The following NRXN1 variants were observed in gnomAD, a reference collection of about 807,000 sequenced individuals.
NRXN1 encodes neurexin-1.
Under a neutral mutation model 150.9 loss-of-function variants are expected in NRXN1, and 39 were observed. That is an observed-to-expected ratio of 0.26 (90% CI 0.20 to 0.34). The LOEUF (loss-of-function observed/expected upper bound fraction) is 0.34, where lower values mean the gene tolerates loss of function less well. Among genes scored for constraint, NRXN1 ranks in the 10% least tolerant of loss-of-function variants. NRXN1 has a pLI of 1.00. For synonymous variants in NRXN1, 924 were observed against 757.0 expected (o/e 1.22, Z -3.62); for missense variants, 1,815 against 1,949.9 (o/e 0.93, Z 1.30).
In NRXN1 at chr2:50,204,523, T is replaced by G. The variant is rs895521771; in HGVS notation, c.3546+32266A>C. Among the ~76,000 whole-genome samples the G allele has an allele frequency of 6.6e-5, 10 of 152,096 alleles. 1 individual carries two copies. The highest frequency in any genetic ancestry group is 6.6e-4 in the Admixed American group (10 of 15,240). ...CAAATTATACCACTGACTCATGTGCTGCTCCCTGGGTGCAGTGAGAATATT... is the reference window on the plus strand; with the variant it reads ...CAAATTATACCACTGACTCATGTGCGGCTCCCTGGGTGCAGTGAGAATATT... On this transcript the variant is annotated intron_variant, in intron 18 of 22. Coordinates refer to ENST00000401669, the MANE Select transcript of NRXN1 (RefSeq NM_001330078.2).
In NRXN1 at chr2:50,195,862, T is replaced by C. The variant is rs141160120; in HGVS notation, c.3546+40927A>G. 2.0e-5 allele frequency among the ~76,000 whole-genome samples: 3 copies of C among 152,226 alleles called. 1 individual carries two copies. Among genetic ancestry groups the C allele is most frequent in the African/African-American group, 4.8e-5 (2 of 41,558 alleles). On this transcript the variant is annotated intron_variant, in intron 18 of 22. Transcript: ENST00000401669. ...TTATCATAGTTTCTTATTCTGATTG[T>C]AGAGTGAGAAGAAAGAAATGTAAAG...
chr2:51,028,744 T>C lies in NRXN1; in HGVS notation c.-471A>G, dbSNP rs1671027754. On this transcript the variant is annotated 5_prime_UTR_variant, in exon 2 of 23. Transcript: ENST00000401669. ...GAGAGTCAGTAAAAAGAAAACACTT[T>C]TCTCAAGAAAGTACAGGAAGCCAGC... The C allele has an allele frequency of 6.5e-6, 1 of 154,450 alleles. No homozygotes were observed. The highest frequency in any genetic ancestry group is 6.5e-5 in the Admixed American group (1 of 15,332). 9.6% of individuals were successfully genotyped at this position (154,450 alleles called of 1,614,324 possible). A position where few individuals can be genotyped will look rare whatever the true frequency, so the allele number is the denominator to read the frequency against.
intron 22 of NRXN1, among the ~76,000 whole-genome samples, chr2:49,928,076 G>C (rs912245364): frequency 2.0e-5 from 3 of 151,522 alleles, no homozygotes; most frequent in Non-Finnish European, 4.4e-5. Flanking sequence ...GAAAAAGATT[G>C]TAAGAAACTA....
At chr2:50,976,447 T>C (rs1695856380) in intron 2 of NRXN1, among the ~76,000 whole-genome samples, 1 of 152,008 alleles carries the variant, frequency 6.6e-6, no homozygotes, top group Non-Finnish European at 1.5e-5. Flanking sequence ...CACTTATGTT[T>C]TGAAGAGAAT....
intron 17 of NRXN1, among the ~76,000 whole-genome samples, chr2:50,276,921 T>C (rs540550296): frequency 6.6e-6 from 1 of 152,164 alleles, no homozygotes; most frequent in Non-Finnish European, 1.5e-5. Flanking sequence ...TTCAATCCAA[T>C]ATAGTCTTAC....
chr2:50,481,093 C>T (rs1283511511), intron 15 of NRXN1, among the ~76,000 whole-genome samples: 1 of 152,188 alleles, frequency 6.6e-6, no homozygotes, highest in African/African-American at 2.4e-5. Flanking sequence ...TTTAGGGCTA[C>T]AATACCAGAA....
At chr2:50,151,234 G>C (rs1197762260) in intron 18 of NRXN1, among the ~76,000 whole-genome samples, 2 of 151,558 alleles carry the variant, frequency 1.3e-5, no homozygotes, top group Non-Finnish European at 3.0e-5. Flanking sequence ...TCCATTCTGG[G>C]AGCCAATAAA....
intron 5 of NRXN1, among the ~76,000 whole-genome samples, chr2:50,645,918 A>C (rs74466633): frequency 0.01 from 1,541 of 152,006 alleles, 30 homozygotes; most frequent in African/African-American, 0.035. Flanking sequence ...ATTCAATTAC[A>C]TTCGTTTAAA....
At chr2:50,234,222 G>A (rs561208282) in intron 18 of NRXN1, among the ~76,000 whole-genome samples, 1 of 152,150 alleles carries the variant, frequency 6.6e-6, no homozygotes, top group African/African-American at 2.4e-5. Flanking sequence ...GGCCGGGCAC[G>A]GTGGCTCATG....
At chr2:50,785,631 T>C (rs535481336) in intron 5 of NRXN1, among the ~76,000 whole-genome samples, 1 of 152,156 alleles carries the variant, frequency 6.6e-6, no homozygotes, top group South Asian at 2.1e-4. Flanking sequence ...GTTTTGTTGA[T>C]AGAAGTAAAC....
chr2:50,287,698 T>C (rs1461278545), intron 17 of NRXN1, among the ~76,000 whole-genome samples: 2 of 152,204 alleles, frequency 1.3e-5, no homozygotes, highest in East Asian at 1.9e-4. Context: ...ATGATTCTCA[T>C]AGTCTACCAC....
At chr2:50,881,527 T>C (rs1257361919) in intron 5 of NRXN1, among the ~76,000 whole-genome samples, 1 of 151,890 alleles carries the variant, frequency 6.6e-6, no homozygotes, top group African/African-American at 2.4e-5. Context: ...TTGATAAAAA[T>C]GGCACTTGCA....
rs1428559421 is a variant in NRXN1, at chr2:50,620,162, T to C, written c.1180A>G (p.Ile394Val). The change falls in exon 8 of 23, where the codon ATT becomes GTT. Residue 394 changes from isoleucine (I) to valine (V), a missense_variant. Transcript: ENST00000401669. The stretch of plus-strand genomic sequence containing the variant: ...TGCGTGTAGCCCGTTGTGGTAAGAA[T>C]CCCATCCACTGATATTGTCACCTAG... ...HAMVTISVDG[I>V]LTTTGYTQED... is the part of the protein sequence containing the mutation. 1 of 1,613,440 alleles carries C rather than the reference T, an allele frequency of 6.2e-7. No homozygotes were observed. The highest frequency in any genetic ancestry group is 1.1e-5 in the South Asian group (1 of 91,034).
intron 5 of NRXN1, among the ~76,000 whole-genome samples, chr2:50,675,158 T>C (rs548442786): frequency 1.3e-5 from 2 of 152,238 alleles, no homozygotes; most frequent in East Asian, 3.9e-4. Flanking sequence ...TCATGCTTCC[T>C]GTACAGCCTG....
chr2:50,973,615 T>C (rs566020350), intron 2 of NRXN1, among the ~76,000 whole-genome samples: 7 of 152,094 alleles, frequency 4.6e-5, no homozygotes, highest in Non-Finnish European at 4.4e-5. Context: ...ATATAGAGTA[T>C]AGAATTGACA....
intron 12 of NRXN1, among the ~76,000 whole-genome samples, chr2:50,510,389 G>A (rs1048067171): frequency 6.7e-6 from 1 of 149,096 alleles, no homozygotes; most frequent in Non-Finnish European, 1.5e-5. Context: ...AGGAGGCTGA[G>A]GCAGGAGAAT....
intron 17 of NRXN1, among the ~76,000 whole-genome samples, chr2:50,402,578 G>A (rs1210509201): frequency 6.6e-6 from 1 of 152,064 alleles, no homozygotes; most frequent in Non-Finnish European, 1.5e-5. Flanking sequence ...AGTAGCTTTC[G>A]GAGAGCAAGT....
At chr2:49,999,262 T>G (rs1317911745) in intron 21 of NRXN1, among the ~76,000 whole-genome samples, 1 of 152,096 alleles carries the variant, frequency 6.6e-6, no homozygotes, top group African/African-American at 2.4e-5. Flanking sequence ...GATCTAAAAA[T>G]TTAGAATATG....
At chr2:50,816,609 A>C (rs1034321198) in intron 5 of NRXN1, among the ~76,000 whole-genome samples, 9 of 152,116 alleles carry the variant, frequency 5.9e-5, no homozygotes, top group African/African-American at 9.7e-5. Context: ...TGTTTGGTTC[A>C]TGAGGTGAAG....
Sources: allele counts gnomAD v4.1 joint callset (sites outside exome capture counted in the v4.1 genomes callset), GRCh38; gene constraint gnomAD v4.1.1; transcripts MANE v1.5; gene names NCBI Gene and HGNC (gene_info 2026-07-23, HGNC 2026-07-21).